The following DLG1 variants were observed in gnomAD, a reference collection of about 807,000 sequenced individuals.
DLG1 encodes the protein discs large MAGUK scaffold protein 1.
Under a neutral mutation model 123.4 loss-of-function variants are expected in DLG1, and 42 were observed. The ratio of observed to expected loss-of-function variants is 0.34; its 90% confidence interval spans 0.27 to 0.44. The LOEUF (loss-of-function observed/expected upper bound fraction) is 0.44, where lower values mean the gene tolerates loss of function less well. DLG1 is among the 20% of genes least tolerant of loss of function. DLG1 has a pLI of 1.00. For synonymous variants in DLG1, 317 were observed against 356.2 expected (o/e 0.89, Z 1.24); for missense variants, 942 against 1,082.6 (o/e 0.87, Z 1.82).
At chr3:197,241,478 T>C (rs1748816017) in intron 4 of DLG1, among the ~76,000 whole-genome samples, 1 of 152,110 alleles carries the variant, frequency 6.6e-6, no homozygotes, top group African/African-American at 2.4e-5. Context: ...TTTGAAGGTG[T>C]AAAACCCACT....
At chr3:197,059,741 T>C in intron 23 of DLG1, 148 bp downstream of exon 23, 1 of 489,988 alleles carries the variant, frequency 2.0e-6, no homozygotes, top group Non-Finnish European at 3.6e-6. Flanking sequence ...TAGTGCTTAT[T>C]TAATCCTCAC....
chr3:197,125,919 C>T lies in DLG1; in HGVS notation c.1165+4608G>A, dbSNP rs138868665. 2.0e-3 allele frequency among the ~76,000 whole-genome samples: 312 copies of T among 152,264 alleles called. 3 individuals are homozygous for T. The highest frequency in any genetic ancestry group is 7.3e-3 in the African/African-American group (302 of 41,542). ...ATAGAGAGTAAGCTGAATAGCCTGA[C>T]AGCAGGGTGACTGTGCAGGCTTCAG... On this transcript the variant is annotated intron_variant, in intron 11 of 24. Transcript: ENST00000667157.
chr3:197,238,320 C>A (rs747131997), intron 4 of DLG1, among the ~76,000 whole-genome samples: 4 of 152,124 alleles, frequency 2.6e-5, no homozygotes, highest in Admixed American at 6.6e-5. Context: ...CATCAAGACA[C>A]CACAGATGTT....
intron 22 of DLG1, among the ~76,000 whole-genome samples, chr3:197,062,330 CAG>C (rs1327517617): frequency 6.6e-6 from 1 of 151,514 alleles, no homozygotes; most frequent in African/African-American, 2.4e-5. Flanking sequence ...AAGTGAAAAA[CAG>C]AATAGCTGTA....
intron 4 of DLG1, among the ~76,000 whole-genome samples, chr3:197,195,866 CT>C (rs1286268616): frequency 4.0e-5 from 6 of 151,744 alleles, no homozygotes; most frequent in African/African-American, 9.7e-5. Flanking sequence ...TATGTACCCC[CT>C]GAACTTAAAA....
chr3:197,120,072 C>G (rs1202905127), intron 11 of DLG1, among the ~76,000 whole-genome samples: 1 of 152,016 alleles, frequency 6.6e-6, no homozygotes, highest in Non-Finnish European at 1.5e-5. Context: ...CCAGCCTGGC[C>G]AACATGGTGA....
At position 197,159,167 on chromosome 3, in the gene DLG1, C is replaced by T. The variant is rs566882960; in HGVS notation, c.484-9371G>A. ...GAGTCGGGTAGGACTATAAACTCCA[C>T]GTTCTTTCTGCAATATTAAGCAGCC... On this transcript the variant is annotated intron_variant, in intron 5 of 24. Transcript: ENST00000667157. Among the ~76,000 whole-genome samples the T allele has an allele frequency of 8.5e-5, 13 of 152,076 alleles. No individual in the cohort carries two copies. The South Asian group carries it at 1.9e-3, about 22-fold the overall frequency.
intron 4 of DLG1, among the ~76,000 whole-genome samples, chr3:197,215,796 A>C (rs1001998873): frequency 2.6e-5 from 4 of 152,192 alleles, no homozygotes; most frequent in African/African-American, 9.6e-5. Context: ...ATTCAGAATT[A>C]TTACTGAGTT....
chr3:197,286,656 G>C (rs1313250185), intron 3 of DLG1, among the ~76,000 whole-genome samples: 1 of 152,188 alleles, frequency 6.6e-6, no homozygotes, highest in South Asian at 2.1e-4. Context: ...AATGCAAAGA[G>C]TGACTACTAA....
chr3:197,161,924 C>A (rs1798939306), intron 5 of DLG1, among the ~76,000 whole-genome samples: 1 of 151,936 alleles, frequency 6.6e-6, no homozygotes, highest in African/African-American at 2.4e-5. Context: ...GAAAGTTATA[C>A]CCCCATAATA....
intron 13 of DLG1, among the ~76,000 whole-genome samples, chr3:197,106,589 T>C (rs1056125526): frequency 1.3e-5 from 2 of 152,132 alleles, no homozygotes; most frequent in Non-Finnish European, 2.9e-5. Context: ...TGGGAGAACA[T>C]ATCAGGCAAG....
chr3:197,100,464 G>T (rs906492515), intron 14 of DLG1, among the ~76,000 whole-genome samples: 2 of 152,020 alleles, frequency 1.3e-5, no homozygotes, highest in African/African-American at 4.8e-5. Flanking sequence ...CCTAACCAAT[G>T]GGAAAGAGAA....
At chr3:197,138,163 T>C in intron 9 of DLG1, 59 bp downstream of exon 9, 2 of 1,054,656 alleles carry the variant, frequency 1.9e-6, no homozygotes, top group Non-Finnish European at 1.3e-6. Context: ...ATAAAGTTCA[T>C]AGGTATATTT....
intron 5 of DLG1, among the ~76,000 whole-genome samples, chr3:197,188,921 T>G (rs1717660008): frequency 6.6e-6 from 1 of 152,218 alleles, no homozygotes; most frequent in Admixed American, 6.5e-5. Flanking sequence ...CCCTACCTAC[T>G]CTGCTATAAT....
intron 5 of DLG1, among the ~76,000 whole-genome samples, chr3:197,190,299 G>C (rs1375611454): frequency 6.6e-6 from 1 of 152,000 alleles, no homozygotes; most frequent in Non-Finnish European, 1.5e-5. Flanking sequence ...AATACCTCAA[G>C]CTTTGCATTC....
intron 5 of DLG1, among the ~76,000 whole-genome samples, chr3:197,156,746 T>C (rs1382796532): frequency 6.6e-6 from 1 of 152,172 alleles, no homozygotes; most frequent in Non-Finnish European, 1.5e-5. Flanking sequence ...AATATAGGAA[T>C]GTAACAATTA....
chr3:197,149,657 A>G, intron 6 of DLG1, 86 bp downstream of exon 6: 1 of 857,738 alleles, frequency 1.2e-6, no homozygotes, highest in Non-Finnish European at 2.0e-6. Context: ...TATTAGAGAA[A>G]ACAATGCCAT....
chr3:197,177,569 T>C (rs1205714378), intron 5 of DLG1, among the ~76,000 whole-genome samples: 1 of 151,932 alleles, frequency 6.6e-6, no homozygotes, highest in East Asian at 1.9e-4. Context: ...TGGTCCAAGA[T>C]GGAGATGTCT....
Position 197,080,968 on chromosome 3 carries a change from T to A in DLG1, c.1905+83A>T, listed in dbSNP as rs1490506054. 6.1e-6 allele frequency: 8 copies of A among 1,312,694 alleles called. No homozygotes were observed. In the East Asian group the frequency reaches 1.9e-4, roughly 31 times the overall value. 81.3% of individuals were successfully genotyped at this position (1,312,694 alleles called of 1,614,324 possible). ...CACCATGGCAAGAACTGATCATGAA[T>A]AATTCTGATAGCAAAATCCTTTTCA... On this transcript the variant is annotated intron_variant, in intron 17 of 24. Transcript: ENST00000667157.
Sources: gnomAD v4.1 joint callset for allele counts (sites outside exome capture counted in the v4.1 genomes callset) on GRCh38, gnomAD v4.1.1 for gene constraint, MANE v1.5 for transcripts, NCBI Gene and HGNC (gene_info 2026-07-23, HGNC 2026-07-21) for gene names.